The following ADCY5 variants were observed in gnomAD, a reference collection of about 807,000 sequenced individuals.
ADCY5 encodes adenylate cyclase type 5.
ADCY5 carries 30 observed loss-of-function variants against 119.7 expected under a neutral mutation model. The observed-to-expected ratio is 0.25, with a 90% confidence interval of 0.19 to 0.34. The LOEUF is 0.34. Ranked by LOEUF, ADCY5 falls within the 10% of genes least tolerant of loss-of-function variation. ADCY5 has a pLI of 1.00. For synonymous variants in ADCY5, 753 were observed against 762.2 expected, an observed-to-expected ratio of 0.99 and a Z score of 0.20; for missense variants, 1,324 against 1,775.2, an observed-to-expected ratio of 0.75 and a Z score of 4.57.
chr3:123,311,952 C>T (rs1940610914), intron 12 of ADCY5, among the ~76,000 whole-genome samples: 1 of 151,602 alleles, frequency 6.6e-6, no homozygotes. Flanking sequence ...GCACTGATAA[C>T]AAAATAGGCA....
chr3:123,415,090 A>G (rs1248624921), intron 1 of ADCY5, among the ~76,000 whole-genome samples: 1 of 152,154 alleles, frequency 6.6e-6, no homozygotes, highest in Non-Finnish European at 1.5e-5. Context: ...CACCAGGGAG[A>G]GGATCCATGG....
intron 16 of ADCY5, 168 bp downstream of exon 16, chr3:123,297,185 C>A: frequency 7.5e-7 from 1 of 1,336,600 alleles, no homozygotes; most frequent in Non-Finnish European, 1.1e-6. Flanking sequence ...CTCTGCCCCC[C>A]GAGGACGCCT....
chr3:123,351,891 G>A (rs141837418), intron 2 of ADCY5, among the ~76,000 whole-genome samples: 6 of 152,286 alleles, frequency 3.9e-5, no homozygotes, highest in Non-Finnish European at 5.9e-5. Context: ...CCAGGCAGTC[G>A]GTCTAGGAAG....
At chr3:123,427,692 C>T (rs919450548) in intron 1 of ADCY5, among the ~76,000 whole-genome samples, 1 of 152,210 alleles carries the variant, frequency 6.6e-6, no homozygotes, top group Non-Finnish European at 1.5e-5. Flanking sequence ...ACCTGCCATA[C>T]TCAGTGTCCT....
chr3:123,303,647 A>G (rs1939991727), intron 13 of ADCY5, among the ~76,000 whole-genome samples: 1 of 151,778 alleles, frequency 6.6e-6, no homozygotes, highest in African/African-American at 2.4e-5. Context: ...ACATGGGGAA[A>G]CCCCATCTCT....
chr3:123,405,868 C>T (rs1409444496), intron 1 of ADCY5, among the ~76,000 whole-genome samples: 1 of 152,164 alleles, frequency 6.6e-6, no homozygotes, highest in Non-Finnish European at 1.5e-5. Context: ...CTACTGGCCT[C>T]AAGCGATCTG....
chr3:123,424,896 G>A (rs1055925908), intron 1 of ADCY5, among the ~76,000 whole-genome samples: 6 of 152,370 alleles, frequency 3.9e-5, no homozygotes, highest in Non-Finnish European at 7.3e-5. Context: ...GGCCAGAGAG[G>A]CCGGGCGTGG....
intron 3 of ADCY5, among the ~76,000 whole-genome samples, chr3:123,336,649 A>G (rs1269659979): frequency 2.0e-5 from 3 of 152,246 alleles, no homozygotes; most frequent in African/African-American, 7.2e-5. Context: ...CGCCCCAGAC[A>G]CACAAGGCAG....
At chr3:123,395,992 C>CAGAAAGAAAGAAAG (rs1559859495) in intron 1 of ADCY5, among the ~76,000 whole-genome samples, 2 of 71,868 alleles carry the variant, frequency 2.8e-5, no homozygotes, top group South Asian at 5.0e-4. Context: ...AAGAAAGAAA[C>CAGAAAGAAAGAAAG]AGAAAGAAAG....
chr3:123,396,698 G>A (rs893766545), intron 1 of ADCY5, among the ~76,000 whole-genome samples: 1 of 144,598 alleles, frequency 6.9e-6, no homozygotes, highest in African/African-American at 2.6e-5. Context: ...AAGAGAGAGA[G>A]AGAGGGAGGG....
In ADCY5 at chr3:123,286,987, G is replaced by T; in HGVS notation, c.3533-178C>A. 2 of 803,762 alleles carry T rather than the reference G, an allele frequency of 2.5e-6. No individual in the cohort carries two copies. The highest frequency in any genetic ancestry group is 3.7e-6 in the Non-Finnish European group (2 of 545,874). 49.8% of individuals were successfully genotyped at this position (803,762 alleles called of 1,614,324 possible). Reference sequence around the variant, plus strand: ...GCTACCCTGCTCCTGTCAAATGCCTGTGAATGCAAGACACAAGGAGCCTGC... The same window carrying T: ...GCTACCCTGCTCCTGTCAAATGCCTTTGAATGCAAGACACAAGGAGCCTGC... On this transcript the variant is annotated intron_variant, in intron 19 of 20. Coordinates refer to ENST00000462833, the MANE Select transcript of ADCY5 (RefSeq NM_183357.3). This position sits in a 1 kb window ranked among gnomAD's most constrained non-coding sequence, Gnocchi z 4.2.
chr3:123,386,185 C>G (rs1335101457), intron 1 of ADCY5, among the ~76,000 whole-genome samples: 1 of 152,236 alleles, frequency 6.6e-6, no homozygotes, highest in East Asian at 1.9e-4. Flanking sequence ...CAGGAGGGCA[C>G]AGGGCCAGCT....
In ADCY5 at chr3:123,447,627, C is replaced by A. The variant is rs1945846575; in HGVS notation, c.919G>T (p.Ala307Ser). 1 of 1,607,724 alleles carries A rather than the reference C, an allele frequency of 6.2e-7. No homozygotes were observed. Among genetic ancestry groups the A allele is most frequent in the Non-Finnish European group, 8.5e-7 (1 of 1,178,324 alleles). The change falls in exon 1 of 21, where the codon GCC becomes TCC. Residue 307 changes from alanine (A) to serine (S), a missense_variant. Around this residue, in one of 6 missense-constraint regions of ADCY5, gnomAD observed 585 missense variants for 569.9 expected, o/e 1.03. Transcript: ENST00000462833. ...HMGLACYALI[A>S]VVLAVQVVGL... Reference sequence around the variant, plus strand: ...ACCACCTGGACGGCCAGCACCACGGCGATGAGCGCATAGCAGGCCAGGCCC... The same window carrying A: ...ACCACCTGGACGGCCAGCACCACGGAGATGAGCGCATAGCAGGCCAGGCCC...
At chr3:123,328,208 C>G (rs1941586630) in intron 6 of ADCY5, among the ~76,000 whole-genome samples, 1 of 152,196 alleles carries the variant, frequency 6.6e-6, no homozygotes, top group Non-Finnish European at 1.5e-5. Flanking sequence ...AATGCTGTGT[C>G]CCCCACACCT....
At chr3:123,387,544 C>A (rs1400512697) in intron 1 of ADCY5, among the ~76,000 whole-genome samples, 1 of 152,162 alleles carries the variant, frequency 6.6e-6, no homozygotes, top group Non-Finnish European at 1.5e-5. Flanking sequence ...ACAAAAAATA[C>A]AAATCTACAA....
chr3:123,407,908 G>C (rs1944943352), intron 1 of ADCY5, among the ~76,000 whole-genome samples: 1 of 151,782 alleles, frequency 6.6e-6, no homozygotes. Flanking sequence ...CTGAGGGGAG[G>C]AGGAAATTCG....
At chr3:123,290,768 A>C (rs1424089440) in intron 18 of ADCY5, among the ~76,000 whole-genome samples, 6 of 152,014 alleles carry the variant, frequency 3.9e-5, no homozygotes, top group Non-Finnish European at 5.9e-5. Context: ...GCACAAGAGG[A>C]ATGGTGGTCA....
chr3:123,329,419 T>C (rs564008855), intron 5 of ADCY5, among the ~76,000 whole-genome samples: 3 of 152,180 alleles, frequency 2.0e-5, no homozygotes, highest in Admixed American at 2.0e-4. Flanking sequence ...CACATATCCA[T>C]ATCTGGGAGC....
At chr3:123,440,432 A>G (rs1346754788) in intron 1 of ADCY5, among the ~76,000 whole-genome samples, 10 of 152,050 alleles carry the variant, frequency 6.6e-5, no homozygotes, top group Non-Finnish European at 5.9e-5. Context: ...TAAAGCCTCT[A>G]CTGTCTCCTT....
Sources: allele counts gnomAD v4.1 joint callset (sites outside exome capture counted in the v4.1 genomes callset), GRCh38; gene constraint gnomAD v4.1.1; regional missense constraint gnomAD v4.1.1; non-coding constraint Gnocchi (gnomAD v3.1); transcripts MANE v1.5; gene names NCBI Gene and HGNC (gene_info 2026-07-23, HGNC 2026-07-21).